The following GRM4 variants were observed in gnomAD, a reference collection of about 807,000 sequenced individuals.
GRM4 encodes glutamate metabotropic receptor 4.
In GRM4, 28 loss-of-function variants were observed where a neutral mutation model predicts 81.7. The ratio of observed to expected loss-of-function variants is 0.34; its 90% CI spans 0.25 to 0.47. GRM4 has a LOEUF of 0.47. Among genes scored for constraint, GRM4 ranks in the 20% least tolerant of loss-of-function variants. The probability of loss-of-function intolerance (pLI) is 1.00; values close to 1 mark genes in which losing one functional copy is unlikely to be tolerated. For missense variants in GRM4, 948 were observed against 1,290.0 expected, an observed-to-expected ratio of 0.73 and a Z score of 4.06; for synonymous variants, 488 against 528.8, an observed-to-expected ratio of 0.92 and a Z score of 1.06.
At chr6:34,073,260 AGATAC>A in intron 3 of GRM4, among the ~76,000 whole-genome samples, 2 of 62 alleles carry the variant, frequency 0.032, no homozygotes, top group Non-Finnish European at 0.026. Flanking sequence ...ATCACCACAT[AGATAC>A]CACGTCACCA....
intron 3 of GRM4, among the ~76,000 whole-genome samples, chr6:34,071,121 G>A (rs1766799844): frequency 6.6e-6 from 1 of 151,164 alleles, no homozygotes; most frequent in African/African-American, 2.4e-5. Context: ...ACCCGGGCAC[G>A]CAAGTCATGT....
At position 34,058,511 on chromosome 6, in the gene GRM4, C is replaced by A. The variant is rs529202970; in HGVS notation, c.1027+463G>T. 1.4e-3 allele frequency among the ~76,000 whole-genome samples: 212 copies of A among 152,296 alleles called. 3 individuals are homozygous for A. Among genetic ancestry groups the A allele is most frequent in the Middle Eastern group, 3.4e-3 (1 of 294 alleles). ...AATCAGGCCATTAACGAGAACGTCA[C>A]ACCTCACTCTCTGTGAGGTTCTGGC... On this transcript the variant is annotated intron_variant, in intron 5 of 10. Transcript: ENST00000538487.
chr6:34,056,043 C>T (rs1160010937), intron 6 of GRM4: 1 of 153,126 alleles, frequency 6.5e-6, no homozygotes, highest in Non-Finnish European at 1.5e-5. Context: ...TCTTGTTGAT[C>T]GTCTGTCTCC....
At position 34,133,204 on chromosome 6, in the gene GRM4, T is replaced by A. The variant is rs773477811; in HGVS notation, c.293A>T (p.Asn98Ile). ...CAGAATGCGGGCGCCCAGCGTGATG[T>A]TAGGCAGCAGGTCCGGGTCGTTGTT... ...RINNDPDLLP[N>I]ITLGARILDT... The change falls in exon 2 of 11, where the codon AAC (asparagine) becomes ATC (isoleucine). Residue 98 changes from asparagine to isoleucine, a missense_variant. Asn to Ile is a moderately radical substitution (Grantham distance 149). Coordinates refer to ENST00000538487, the MANE Select transcript of GRM4 (RefSeq NM_000841.4). This position sits in a 1 kb window ranked among gnomAD's most constrained non-coding sequence, Gnocchi z 6.5. The A allele has an allele frequency of 3.7e-6, 6 of 1,613,858 alleles. No homozygotes were observed. Among genetic ancestry groups the A allele is most frequent in the South Asian group, 1.1e-5 (1 of 91,070 alleles).
chr6:34,072,960 A>ACGCCCT, intron 3 of GRM4, among the ~76,000 whole-genome samples: 1 of 106,308 alleles, frequency 9.4e-6, no homozygotes, highest in African/African-American at 3.5e-5. Context: ...CACCACACAC[A>ACGCCCT]TGCATCACCA....
At chr6:34,065,860 C>G (rs1166780951) in intron 3 of GRM4, among the ~76,000 whole-genome samples, 1 of 152,214 alleles carries the variant, frequency 6.6e-6, no homozygotes, top group African/African-American at 2.4e-5. Context: ...GTAGCAGGAG[C>G]AGAGCCACCT....
In GRM4 at chr6:34,131,121, A is replaced by G. The variant is rs116655938; in HGVS notation, c.519+1857T>C. Among the ~76,000 whole-genome samples the G allele has an allele frequency of 6.8e-3, 1,039 of 152,338 alleles. 12 individuals are homozygous for G. The highest frequency in any genetic ancestry group is 0.024 in the African/African-American group (990 of 41,584). On this transcript the variant is annotated intron_variant, in intron 2 of 10. Coordinates refer to ENST00000538487, the MANE Select transcript of GRM4 (RefSeq NM_000841.4). The stretch of plus-strand genomic sequence containing the variant: ...CAGCTCCTCCTCTCCTTTTGTCTCC[A>G]GTCCCCACCATAAAACTGGGTGCGG...
chr6:34,125,888 AAG>A (rs1339508677), intron 2 of GRM4, among the ~76,000 whole-genome samples: 1 of 152,182 alleles, frequency 6.6e-6, no homozygotes, highest in Admixed American at 6.5e-5. Context: ...CACCCTCAGC[AAG>A]ACCTACTTCG....
chr6:34,141,499 T>C (rs895267822), intron 1 of GRM4, among the ~76,000 whole-genome samples: 6 of 152,264 alleles, frequency 3.9e-5, no homozygotes, highest in Non-Finnish European at 8.8e-5. Flanking sequence ...TGTGTACACA[T>C]ACATTGATGC....
At position 34,028,277 on chromosome 6, in the gene GRM4, G is replaced by T. The variant is rs762697734; in HGVS notation, c.2532C>A (p.Ile844=). Residue 844 remains isoleucine, a synonymous_variant, in exon 10 of 11, where the codon ATC becomes ATA. Transcript: ENST00000538487. The stretch of plus-strand genomic sequence containing the variant: ...CGTTCTGCTCCGGGTGGAAGAGGAT[G>T]ATGTAGACTTTGGGCATGTAGAGCA... ...LGMLYMPKVY[I]ILFHPEQNVP... is the part of the protein sequence containing the mutation. 314 of 1,613,910 alleles carry T rather than the reference G, an allele frequency of 1.9e-4. 2 individuals are homozygous for T. The highest frequency in any genetic ancestry group is 1.4e-4 in the Non-Finnish European group (170 of 1,180,024).
At chr6:34,105,564 T>C (rs557226867) in intron 2 of GRM4, among the ~76,000 whole-genome samples, 16 of 152,096 alleles carry the variant, frequency 1.1e-4, no homozygotes, top group Non-Finnish European at 2.1e-4. Flanking sequence ...CCGACCCTGG[T>C]GGTCCCCAGG....
At chr6:34,104,820 T>C (rs1282589501) in intron 2 of GRM4, among the ~76,000 whole-genome samples, 1 of 152,164 alleles carries the variant, frequency 6.6e-6, no homozygotes, top group East Asian at 1.9e-4. Context: ...CCTGCTGCAC[T>C]GACGGGTAAG....
chr6:34,080,857 CAT>C lies in GRM4; in HGVS notation c.736+11024_736+11025del, dbSNP rs1767555615. 1.1e-5 allele frequency among the ~76,000 whole-genome samples: 1 copy of C among 91,176 alleles called. No homozygotes were observed. The highest frequency in any genetic ancestry group is 1.1e-4 in the Admixed American group (1 of 9,424). 59.8% of individuals were successfully genotyped at this position (91,176 alleles called of 152,430 possible). ...ACACACACACACACATACACACACACATACACATACATATACACACACACACA... is the reference window on the plus strand; with the variant it reads ...ACACACACACACACATACACACACACACACATACATATACACACACACACA... On this transcript the variant is annotated intron_variant, in intron 3 of 10. Coordinates refer to ENST00000538487, the MANE Select transcript of GRM4 (RefSeq NM_000841.4). The surrounding 1 kb of genome is among the most constrained non-coding windows in gnomAD (Gnocchi z 5.4).
chr6:34,024,318 T>C (rs1472460796), intron 10 of GRM4: 4 of 207,770 alleles, frequency 1.9e-5, no homozygotes, highest in African/African-American at 9.0e-5. Context: ...TCTTCTCTTT[T>C]CCCTTCCATG....
intron 1 of GRM4, among the ~76,000 whole-genome samples, chr6:34,139,988 C>T (rs895414248): frequency 6.6e-6 from 1 of 152,082 alleles, no homozygotes; most frequent in African/African-American, 2.4e-5. Context: ...CGTCCCAAAG[C>T]GGGTGGGCAC....
rs562158174 is a variant in GRM4 at position 34,044,814 on chromosome 6, TCA to T, written c.1169-4068_1169-4067del. ...GACATACATACATACACATATATAGTCACACACACATAGACATACATACACAT... is the reference window on the plus strand; with the variant it reads ...GACATACATACATACACATATATAGTCACACACATAGACATACATACACAT... On this transcript the variant is annotated intron_variant, in intron 6 of 10. Coordinates refer to ENST00000538487, the MANE Select transcript of GRM4 (RefSeq NM_000841.4). Among the ~76,000 whole-genome samples the T allele has an allele frequency of 1.1e-3, 104 of 92,668 alleles. 3 individuals are homozygous for T. The highest frequency in any genetic ancestry group is 8.3e-3 in the South Asian group (24 of 2,884). The allele number at this position is 92,668 out of a possible 152,430, so 60.8% of individuals were successfully genotyped here. A position where few individuals can be genotyped will look rare whatever the true frequency, so the allele number is the denominator to read the frequency against.
At chr6:34,154,929 C>G (rs1771117406) in intron 1 of GRM4, 1 of 591,756 alleles carries the variant, frequency 1.7e-6, no homozygotes, top group Admixed American at 4.1e-5. Context: ...AGCACCGCCG[C>G]CCGGTGGCCG....
At chr6:34,083,768 C>T (rs535631650) in intron 3 of GRM4, among the ~76,000 whole-genome samples, 25 of 152,176 alleles carry the variant, frequency 1.6e-4, no homozygotes, top group Non-Finnish European at 2.9e-5. Context: ...TGCTAAAAGT[C>T]ACCTGATACT....
At chr6:34,031,944 C>A (rs1352740746) in intron 9 of GRM4, among the ~76,000 whole-genome samples, 1 of 151,904 alleles carries the variant, frequency 6.6e-6, no homozygotes, top group Non-Finnish European at 1.5e-5. Flanking sequence ...GCATCTGACT[C>A]AGCTGGGCTC....
Sources: gnomAD v4.1 joint callset for allele counts (sites outside exome capture counted in the v4.1 genomes callset) on GRCh38, gnomAD v4.1.1 for gene constraint, Gnocchi (gnomAD v3.1) non-coding constraint, MANE v1.5 for transcripts, NCBI Gene and HGNC (gene_info 2026-07-23, HGNC 2026-07-21) for gene names.